Variants in DMBT1 observed in about 807,000 individuals in gnomAD.
DMBT1 encodes deleted in malignant brain tumors 1.
In DMBT1, 198 loss-of-function variants were observed where a neutral mutation model predicts 252.9. That is an observed-to-expected ratio of 0.78 (90% CI 0.70 to 0.88). DMBT1 has a LOEUF of 0.88. Among genes scored for constraint, DMBT1 ranks in the 40% least tolerant of loss-of-function variants. DMBT1 has a pLI of 0.00. For synonymous variants in DMBT1, 990 were observed against 942.7 expected (o/e 1.05, Z -0.92); for missense variants, 2,432 against 2,404.7 (o/e 1.01, Z -0.24).
intron 54 of DMBT1, among the ~76,000 whole-genome samples, chr10:122,639,208 A>G (rs112628115): frequency 0.012 from 1,837 of 152,368 alleles, 37 homozygotes; most frequent in African/African-American, 0.041. Flanking sequence ...TAGGCACCAC[A>G]GGCAAATGTG....
rs374294775 is a variant in DMBT1, at chr10:122,643,349, G to A, written c.7580G>A (p.Gly2527Asp). 3 of 1,613,784 alleles carry A rather than the reference G, an allele frequency of 1.9e-6. No individual in the cohort carries two copies. The African/African-American group carries it at 4.0e-5, about 22-fold the overall frequency. ...CAGGAAAAGGTGGACGTCGTCCTGG[G>A]TCCCATCCAGCTGCAGACCCCCCCA... ...SYQEKVDVVL[G>D]PIQLQTPPRR... is the part of the protein sequence containing the mutation. Residue 2527 changes from glycine to aspartate, a missense_variant, in exon 56 of 56, where the codon GGT becomes GAT. Around this residue, in one of 3 missense-constraint regions of DMBT1, gnomAD observed 1,162 missense variants for 1,169.0 expected, o/e 0.99. Transcript: ENST00000338354.
At chr10:122,643,090 G>A in intron 55 of DMBT1, 32 bp from the exon 56 acceptor site, 1 of 1,602,804 alleles carries the variant, frequency 6.2e-7, no homozygotes. Context: ...TCGGGCCTTG[G>A]TGAGAGCTAA....
At position 122,560,850 on chromosome 10, in the gene DMBT1, A is replaced by G; in HGVS notation, c.61+19A>G. On this transcript the variant is annotated intron_variant, in intron 1 of 55. Transcript: ENST00000338354. ...TCTACAGGTATTACGTTTAATTATT[A>G]TATTCATTAATTTCTCTCCTGCAGA... 2.6e-6 allele frequency: 4 copies of G among 1,534,230 alleles called. No homozygotes were observed. Among genetic ancestry groups the G allele is most frequent in the Non-Finnish European group, 3.5e-6 (4 of 1,130,356 alleles).
chr10:122,631,008 G>A lies in DMBT1; in HGVS notation c.6073G>A (p.Ala2025Thr). The change falls in exon 49 of 56, where the codon GCC (alanine) becomes ACC (threonine). Residue 2025 changes from alanine to threonine, a missense_variant. Coordinates refer to ENST00000338354, the MANE Select transcript of DMBT1 (RefSeq NM_001377530.1). ...TTTAAATTCATCCTATGGTCTATGT[G>A]CCGGGCGTGTAGAAATTTACCATGG... ...VNLNSSYGLC[A>T]GRVEIYHGGT... is the part of the protein sequence containing the mutation. 6.2e-7 allele frequency: 1 copy of A among 1,612,870 alleles called. No individual in the cohort carries two copies.
chr10:122,631,189 C>G lies in DMBT1; in HGVS notation c.6254C>G (p.Ser2085Ter), dbSNP rs1591552845. Residue 2085 changes from serine (S) to a stop codon, truncating the protein, a stop_gained, in exon 49 of 56, where the codon TCA becomes TGA. Transcript: ENST00000338354. LOFTEE classifies it high-confidence loss of function. ...ATCACCCTGGACGATGTAGAGTGCT[C>G]AGGGACGGAATCCACTCTCTGGCAG... Reference protein sequence around the residue: ...GPITLDDVECSGTESTLWQCR... With the variant: ...GPITLDDVEC 1 of 1,614,016 alleles carries G rather than the reference C, an allele frequency of 6.2e-7. No homozygotes were observed. The highest frequency in any genetic ancestry group is 2.2e-5 in the East Asian group (1 of 44,866).
In DMBT1 at chr10:122,561,585, T is replaced by TCTCTCTATC. The variant is rs1565498408; in HGVS notation, c.61+754_61+755insCTCTCTATC. Among the ~76,000 whole-genome samples, 9 of 151,630 alleles carry TCTCTCTATC rather than the reference T, an allele frequency of 5.9e-5. No homozygotes were observed. In the East Asian group the frequency reaches 1.8e-3, roughly 30 times the overall value. ...GTCTCTCTGCCTCTCTCTCTCTCTC[T>TCTCTCTATC]TTCTCTCTTATCTATTGTGTAGTTA... On this transcript the variant is annotated intron_variant, in intron 1 of 55. Coordinates refer to ENST00000338354, the MANE Select transcript of DMBT1 (RefSeq NM_001377530.1).
In DMBT1 at chr10:122,593,585, G is replaced by A. The variant is rs144096112; in HGVS notation, c.2517G>A (p.Pro839=). 2,194 of 1,587,248 alleles carry A rather than the reference G, an allele frequency of 1.4e-3. 125 individuals carry two copies. The African/African-American group carries it at 0.025, about 18-fold the overall frequency. The change falls in exon 21 of 56, where the codon CCG becomes CCA. Residue 839 remains proline, a synonymous_variant. Coordinates refer to ENST00000338354, the MANE Select transcript of DMBT1 (RefSeq NM_001377530.1). ...TTCTCACAGTTTCCCAGTCCCGGCC[G>A]ACACCCAGTCCAGGTAGGTCCCCAG... ...GVICSVSQSR[P]TPSPDTWPTS...
intron 44 of DMBT1, among the ~76,000 whole-genome samples, chr10:122,623,473 A>T (rs2098089514): frequency 6.6e-6 from 1 of 152,170 alleles, no homozygotes; most frequent in Non-Finnish European, 1.5e-5. Context: ...TATTGTGGAA[A>T]CACTGAACAG....
At chr10:122,588,902 T>G (rs1208389543) in intron 16 of DMBT1, 42 bp from the exon 17 acceptor site, 1 of 1,586,114 alleles carries the variant, frequency 6.3e-7, no homozygotes, top group Non-Finnish European at 8.6e-7. Flanking sequence ...ATCCTTGACC[T>G]GCTGATAGGG....
rs1391698712 is a variant in DMBT1, at chr10:122,636,108, C to T, written c.6666C>T (p.Asn2222=). ...GARGSFTSSS[N]FMSIRFISDH... is the part of the protein sequence containing the mutation. ...GAGGCTCCTTCACTTCTTCCTCCAA[C>T]TTCATGTCCATTCGCTTCATCAGTG... The change falls in exon 53 of 56, where the codon AAC becomes AAT. Residue 2222 remains asparagine (N), a synonymous_variant. Coordinates refer to ENST00000338354, the MANE Select transcript of DMBT1 (RefSeq NM_001377530.1). The T allele has an allele frequency of 6.2e-7, 1 of 1,613,886 alleles. No homozygotes were observed. The highest frequency in any genetic ancestry group is 1.3e-5 in the African/African-American group (1 of 74,918).
chr10:122,634,141 A>G (rs2098190022), intron 52 of DMBT1, among the ~76,000 whole-genome samples: 1 of 152,158 alleles, frequency 6.6e-6, no homozygotes, highest in Non-Finnish European at 1.5e-5. Flanking sequence ...CTGTCTCAGG[A>G]AAACAAAACA....
At chr10:122,630,204 A>T in intron 47 of DMBT1, 84 bp from the exon 48 acceptor site, 1 of 1,433,068 alleles carries the variant, frequency 7.0e-7, no homozygotes, top group Non-Finnish European at 9.7e-7. Context: ...ATTCAATGGC[A>T]TCCCTCGTAA....
chr10:122,640,133 A>G lies in DMBT1; in HGVS notation c.7036A>G (p.Ser2346Gly), dbSNP rs748316261. The G allele has an allele frequency of 5.0e-6, 8 of 1,613,964 alleles. 1 individual carries two copies. The South Asian group carries it at 6.6e-5, about 13-fold the overall frequency. Residue 2346 changes from serine (S) to glycine (G), a missense_variant, in exon 55 of 56, where the codon AGC (serine) becomes GGC (glycine). This residue lies in a region of DMBT1 where 1,162 missense variants were observed against 1,169.0 expected (regional missense o/e 0.99). Coordinates refer to ENST00000338354, the MANE Select transcript of DMBT1 (RefSeq NM_001377530.1). The stretch of plus-strand genomic sequence containing the variant: ...GAGGACAGACCTCCGTATTCACGTC[A>G]GCTGCAGAATGCTTCAGAACACCTG... ...KRRTDLRIHV[S>G]CRMLQNTWVD...
At chr10:122,565,644 C>T (rs536631901) in intron 1 of DMBT1, among the ~76,000 whole-genome samples, 2 of 152,258 alleles carry the variant, frequency 1.3e-5, no homozygotes, top group Admixed American at 6.5e-5. Flanking sequence ...GACTGGACAA[C>T]GAGCTTAAGC....
At chr10:122,575,882 G>C (rs557403157) in intron 6 of DMBT1, among the ~76,000 whole-genome samples, 1 of 152,204 alleles carries the variant, frequency 6.6e-6, no homozygotes, top group Non-Finnish European at 1.5e-5. Context: ...CTCCAGTCCA[G>C]AGTGACAGCC....
chr10:122,626,099 C>A, intron 46 of DMBT1, 134 bp downstream of exon 46: 2 of 721,382 alleles, frequency 2.8e-6, no homozygotes, highest in South Asian at 1.6e-5. Context: ...TCCCACTATA[C>A]CCTTCACCTC....
intron 27 of DMBT1, 60 bp downstream of exon 27, chr10:122,600,153 C>T: frequency 1.3e-6 from 2 of 1,575,940 alleles, no homozygotes; most frequent in Non-Finnish European, 1.7e-6. Flanking sequence ...TCACCCCTTC[C>T]ACACTCCACA....
In DMBT1 at chr10:122,637,234, C is replaced by G; in HGVS notation, c.6864C>G (p.Tyr2288Ter). 1 of 1,614,030 alleles carries G rather than the reference C, an allele frequency of 6.2e-7. No homozygotes were observed. The highest frequency in any genetic ancestry group is 8.5e-7 in the Non-Finnish European group (1 of 1,179,904). Reference sequence around the variant, plus strand: ...TTGTCATTTCCACCTGGAATGGATACTACGAGTGTCGGCCCCAGATAACGC... The same window carrying G: ...TTGTCATTTCCACCTGGAATGGATAGTACGAGTGTCGGCCCCAGATAACGC... ...SDLVISTWNG[Y>*]YECRPQITPN... is the part of the protein sequence containing the mutation. The change falls in exon 54 of 56, where the codon TAC becomes TAG. Residue 2288 changes from tyrosine to a stop codon, truncating the protein, a stop_gained. Coordinates refer to ENST00000338354, the MANE Select transcript of DMBT1 (RefSeq NM_001377530.1). LOFTEE classifies it high-confidence loss of function.
Position 122,592,273 on chromosome 10 carries a change from A to G in DMBT1, c.2178A>G (p.Gly726=). Residue 726 remains glycine (G), a splice_region_variant and synonymous_variant, in exon 20 of 56, where the codon GGA becomes GGG. Transcript: ENST00000338354. ...STITLPPSTV[G]SESSLTLRLV... ...AAGGGTTCTTGTGTTCCCCTGTAGGATCTGAATCCAGTTTGACCCTGAGGC... is the reference window on the plus strand; with the variant it reads ...AAGGGTTCTTGTGTTCCCCTGTAGGGTCTGAATCCAGTTTGACCCTGAGGC... 1 of 1,586,744 alleles carries G rather than the reference A, an allele frequency of 6.3e-7. No homozygotes were observed. The highest frequency in any genetic ancestry group is 2.3e-5 in the East Asian group (1 of 42,714).
Sources: gnomAD v4.1 joint callset for allele counts (sites outside exome capture counted in the v4.1 genomes callset) on GRCh38, gnomAD v4.1.1 for gene constraint, gnomAD v4.1.1 regional missense constraint, MANE v1.5 for transcripts, NCBI Gene and HGNC (gene_info 2026-07-23, HGNC 2026-07-21) for gene names.